Variants in DLG2 observed in about 807,000 individuals in gnomAD.
DLG2 encodes discs large MAGUK scaffold protein 2.
Under a neutral mutation model 132.5 loss-of-function variants are expected in DLG2, and 45 were observed. That is an observed-to-expected ratio of 0.34 (90% confidence interval 0.27 to 0.44). The LOEUF (loss-of-function observed/expected upper bound fraction) is 0.44, where lower values mean the gene tolerates loss of function less well. Ranked by LOEUF, DLG2 falls within the 20% of genes least tolerant of loss-of-function variation. The pLI is 1.00. For missense variants in DLG2, 1,045 were observed against 1,196.9 expected, an observed-to-expected ratio of 0.87 and a Z score of 1.87; for synonymous variants, 424 against 419.6, an observed-to-expected ratio of 1.01 and a Z score of -0.13.
At chr11:84,714,423 A>G (rs2153779609) in intron 6 of DLG2, among the ~76,000 whole-genome samples, 1 of 152,188 alleles carries the variant, frequency 6.6e-6, no homozygotes, top group South Asian at 2.1e-4. Flanking sequence ...GGAGAAAGGC[A>G]GAAGGTTCCA....
chr11:85,561,643 C>T (rs2077252250), intron 3 of DLG2, among the ~76,000 whole-genome samples: 1 of 151,700 alleles, frequency 6.6e-6, no homozygotes, highest in Non-Finnish European at 1.5e-5. Context: ...GTCAAATCAA[C>T]CTCATAAGAA....
intron 3 of DLG2, among the ~76,000 whole-genome samples, chr11:85,430,900 A>C (rs2091135786): frequency 6.6e-6 from 1 of 151,210 alleles, no homozygotes; most frequent in African/African-American, 2.4e-5. Flanking sequence ...TGAATCTGGG[A>C]GGCAGAGGTT....
intron 6 of DLG2, among the ~76,000 whole-genome samples, chr11:84,561,402 A>T (rs554687201): frequency 3.3e-5 from 5 of 152,118 alleles, no homozygotes; most frequent in African/African-American, 1.2e-4. Flanking sequence ...GACTCATATT[A>T]AATGTTACCT....
At chr11:84,653,817 GA>G (rs1024619043) in intron 6 of DLG2, among the ~76,000 whole-genome samples, 2 of 152,078 alleles carry the variant, frequency 1.3e-5, no homozygotes, top group African/African-American at 4.8e-5. Flanking sequence ...GCAATAACAG[GA>G]TGGGGCATAG....
At chr11:84,414,367 G>A (rs1412699212) in intron 7 of DLG2, among the ~76,000 whole-genome samples, 1 of 152,134 alleles carries the variant, frequency 6.6e-6, no homozygotes, top group Non-Finnish European at 1.5e-5. Context: ...AGGCAGGTAG[G>A]TGAATCTGAA....
At chr11:84,350,842 C>G (rs755144782) in intron 7 of DLG2, among the ~76,000 whole-genome samples, 6 of 152,118 alleles carry the variant, frequency 3.9e-5, no homozygotes, top group Non-Finnish European at 7.4e-5. Context: ...TGTTCTTCAT[C>G]TAGGCTTCTA....
intron 18 of DLG2, among the ~76,000 whole-genome samples, chr11:83,741,871 A>T (rs12802929): frequency 2.0e-5 from 3 of 151,382 alleles, no homozygotes; most frequent in Non-Finnish European, 4.4e-5. Context: ...AAAAATTAGC[A>T]AGGCGTGGTG....
At chr11:84,980,150 T>C (rs921378000) in intron 6 of DLG2, among the ~76,000 whole-genome samples, 8 of 152,216 alleles carry the variant, frequency 5.3e-5, no homozygotes, top group Non-Finnish European at 1.5e-5. Context: ...TAGTCAGTTG[T>C]AATACTTAAA....
At chr11:84,961,907 T>C (rs2052634024) in intron 6 of DLG2, among the ~76,000 whole-genome samples, 2 of 152,130 alleles carry the variant, frequency 1.3e-5, no homozygotes. Flanking sequence ...TAAAACACTT[T>C]TGTCCAACTA....
chr11:83,753,875 G>GAT lies in DLG2; in HGVS notation c.1825+32813_1825+32814dup, dbSNP rs1323659666. 2.0e-3 allele frequency among the ~76,000 whole-genome samples: 29 copies of GAT among 14,420 alleles called. 1 individual carries two copies. The highest frequency in any genetic ancestry group is 0.013 in the African/African-American group (28 of 2,084). 9.5% of individuals were successfully genotyped at this position (14,420 alleles called of 152,430 possible). On this transcript the variant is annotated intron_variant, in intron 18 of 27. Transcript: ENST00000376104. ...TATCATATATATATTTCATATATAT[G>GAT]ATATATATCATATATATCATATATA...
intron 4 of DLG2, among the ~76,000 whole-genome samples, chr11:85,244,823 C>T (rs1236230981): frequency 1.3e-5 from 2 of 151,882 alleles, no homozygotes; most frequent in Non-Finnish European, 2.9e-5. Context: ...TTATACAATA[C>T]AGTTGTATTG....
At chr11:85,407,497 G>A (rs1309075298) in intron 3 of DLG2, among the ~76,000 whole-genome samples, 2 of 151,850 alleles carry the variant, frequency 1.3e-5, no homozygotes, top group East Asian at 1.9e-4. Flanking sequence ...AACAACTGCT[G>A]TGTGTCAGAC....
chr11:85,500,001 G>A (rs192044287), intron 3 of DLG2, among the ~76,000 whole-genome samples: 2 of 152,186 alleles, frequency 1.3e-5, no homozygotes, highest in East Asian at 3.9e-4. Flanking sequence ...CACTGAATGG[G>A]CAAAAGCTAG....
intron 26 of DLG2, among the ~76,000 whole-genome samples, chr11:83,462,897 T>C (rs989957383): frequency 6.6e-6 from 1 of 152,194 alleles, no homozygotes; most frequent in Non-Finnish European, 1.5e-5. Context: ...ACCTAATCTA[T>C]TGATTCTTAA....
chr11:84,838,224 T>A (rs1208274518), intron 6 of DLG2, among the ~76,000 whole-genome samples: 2 of 151,848 alleles, frequency 1.3e-5, no homozygotes, highest in Non-Finnish European at 2.9e-5. Context: ...CTCCACTGAG[T>A]TTGCTCTCAC....
chr11:85,168,360 T>C (rs1056891601), intron 4 of DLG2, among the ~76,000 whole-genome samples: 1 of 152,110 alleles, frequency 6.6e-6, no homozygotes, highest in Admixed American at 6.6e-5. Flanking sequence ...TTAAGAAATG[T>C]AGAGTGAAAT....
At position 84,844,135 on chromosome 11, in the gene DLG2, GTATATATATATATA is replaced by G. The variant is rs74200849; in HGVS notation, c.357+267512_357+267525del. 9.2e-5 allele frequency among the ~76,000 whole-genome samples: 4 copies of G among 43,694 alleles called. 1 individual carries two copies. In the East Asian group the frequency reaches 1.8e-3, roughly 20 times the overall value. 28.7% of individuals were successfully genotyped at this position (43,694 alleles called of 152,430 possible). On this transcript the variant is annotated intron_variant, in intron 6 of 27. Coordinates refer to ENST00000376104, the MANE Select transcript of DLG2 (RefSeq NM_001142699.3). ...TGTGTGTGTGTGTGTGTGTGTGTGT[GTATATATATATATA>G]TATATATATATATATATATATATGT...
chr11:84,444,690 G>A (rs1265729615), intron 7 of DLG2, among the ~76,000 whole-genome samples: 3 of 151,936 alleles, frequency 2.0e-5, no homozygotes, highest in Admixed American at 1.3e-4. Flanking sequence ...ACTGTTACTT[G>A]AAGGGTGATT....
chr11:84,155,716 C>A (rs997108724), intron 9 of DLG2, among the ~76,000 whole-genome samples: 1 of 152,026 alleles, frequency 6.6e-6, no homozygotes, highest in African/African-American at 2.4e-5. Context: ...TTAAAATTCA[C>A]ACATATTATA....
Sources: allele counts gnomAD v4.1 joint callset (sites outside exome capture counted in the v4.1 genomes callset), GRCh38; gene constraint gnomAD v4.1.1; transcripts MANE v1.5; gene names NCBI Gene and HGNC (gene_info 2026-07-23, HGNC 2026-07-21).